The following ROBO2 variants were observed in gnomAD, a reference collection of about 807,000 sequenced individuals.
ROBO2 encodes the protein roundabout homolog 2.
ROBO2 carries 53 observed loss-of-function variants against 160.8 expected under a neutral mutation model. That is an observed-to-expected ratio of 0.33 (90% CI 0.26 to 0.41). The LOEUF (loss-of-function observed/expected upper bound fraction) is 0.41. ROBO2 is among the 10% of genes least tolerant of loss of function. The probability of loss-of-function intolerance (pLI) is 1.00; values close to 1 mark genes in which losing one functional copy is unlikely to be tolerated. For synonymous variants in ROBO2, 664 were observed against 611.7 expected (o/e 1.09, Z -1.26); for missense variants, 1,577 against 1,722.4 (o/e 0.92, Z 1.49).
At chr3:77,242,013 T>C (rs62249669) in intron 2 of ROBO2, among the ~76,000 whole-genome samples, 4,147 of 152,292 alleles carry the variant, frequency 0.027, 62 homozygotes, top group Middle Eastern at 0.054. Flanking sequence ...TTTGCTAATA[T>C]GCGGGAAATA....
chr3:76,273,092 TAC>T (rs1242068002), intron 2 of ROBO2, among the ~76,000 whole-genome samples: 3 of 80,342 alleles, frequency 3.7e-5, no homozygotes, highest in African/African-American at 1.3e-4. Flanking sequence ...ATATATAAAA[TAC>T]ACACACATAT....
intron 2 of ROBO2, among the ~76,000 whole-genome samples, chr3:77,322,127 G>A (rs2064778775): frequency 6.6e-6 from 1 of 151,936 alleles, no homozygotes; most frequent in Admixed American, 6.6e-5. Flanking sequence ...GAGAATATGA[G>A]GTTTGGTTCC....
chr3:76,587,352 A>G (rs2086112454), intron 2 of ROBO2, among the ~76,000 whole-genome samples: 1 of 152,068 alleles, frequency 6.6e-6, no homozygotes, highest in Admixed American at 6.5e-5. Context: ...TCACGCTCCT[A>G]TAAAGAACTG....
At chr3:77,003,988 A>C (rs1018212585) in intron 2 of ROBO2, among the ~76,000 whole-genome samples, 8 of 152,196 alleles carry the variant, frequency 5.3e-5, no homozygotes, top group African/African-American at 1.9e-4. Context: ...CAGAATATAT[A>C]ATCAAACTTA....
intron 2 of ROBO2, among the ~76,000 whole-genome samples, chr3:76,111,178 G>A (rs895282999): frequency 1.3e-5 from 2 of 152,088 alleles, no homozygotes; most frequent in Non-Finnish European, 2.9e-5. Context: ...ATTAATAGGA[G>A]GAACATGACA....
intron 17 of ROBO2, among the ~76,000 whole-genome samples, chr3:77,592,671 C>A (rs542774304): frequency 6.6e-6 from 1 of 152,236 alleles, no homozygotes; most frequent in Non-Finnish European, 1.5e-5. Context: ...CCTACCTCAG[C>A]CTCCCGAATA....
At chr3:76,868,310 A>G (rs1185565850) in intron 2 of ROBO2, among the ~76,000 whole-genome samples, 1 of 152,110 alleles carries the variant, frequency 6.6e-6, no homozygotes, top group Admixed American at 6.6e-5. Flanking sequence ...TCTTTTAAAT[A>G]ATTTTTTCTC....
chr3:77,442,458 A>G lies in ROBO2; in HGVS notation c.389-34956A>G, dbSNP rs556118709. ...GTAATTTTCAAACTTTTTTCACCCAATGAAAACCTTTTCTTCATGGCAGAG... is the reference window on the plus strand; with the variant it reads ...GTAATTTTCAAACTTTTTTCACCCAGTGAAAACCTTTTCTTCATGGCAGAG... On this transcript the variant is annotated intron_variant, in intron 2 of 25. Coordinates refer to ENST00000461745, the Ensembl canonical transcript of ROBO2. Among the ~76,000 whole-genome samples, 21 of 152,316 alleles carry G rather than the reference A, an allele frequency of 1.4e-4. No individual in the cohort carries two copies. In the South Asian group the frequency reaches 2.3e-3, roughly 17 times the overall value.
At chr3:76,365,710 C>A (rs1383476001) in intron 2 of ROBO2, among the ~76,000 whole-genome samples, 3 of 152,012 alleles carry the variant, frequency 2.0e-5, no homozygotes, top group African/African-American at 7.2e-5. Flanking sequence ...AAATGTATTG[C>A]AAATATCTTG....
At chr3:77,445,666 T>A (rs2080400086) in intron 2 of ROBO2, among the ~76,000 whole-genome samples, 1 of 152,060 alleles carries the variant, frequency 6.6e-6, no homozygotes, top group South Asian at 2.1e-4. Context: ...AGCCTTAACT[T>A]GATAACTATG....
chr3:76,397,956 C>T (rs1445515527), intron 2 of ROBO2, among the ~76,000 whole-genome samples: 2 of 152,134 alleles, frequency 1.3e-5, no homozygotes, highest in East Asian at 1.9e-4. Context: ...ACCATTTGAC[C>T]CAGCCATCCC....
At chr3:76,472,063 ATGTGTGTGTGTG>A (rs57259386) in intron 2 of ROBO2, among the ~76,000 whole-genome samples, 1,748 of 137,938 alleles carry the variant, frequency 0.013, 39 homozygotes, top group African/African-American at 0.045. Context: ...GTCTGATAAA[ATGTGTGTGTGTG>A]TGTGTGTGTG....
chr3:76,163,210 C>G (rs1479016403), intron 2 of ROBO2, among the ~76,000 whole-genome samples: 3 of 151,810 alleles, frequency 2.0e-5, no homozygotes, highest in Non-Finnish European at 4.4e-5. Flanking sequence ...GTGAGCAGGG[C>G]CCACCATATT....
intron 2 of ROBO2, among the ~76,000 whole-genome samples, chr3:75,981,609 T>G (rs2065276837): frequency 6.6e-6 from 1 of 151,316 alleles, no homozygotes; most frequent in Non-Finnish European, 1.5e-5. Flanking sequence ...ATTTAAATTG[T>G]TTTTTATTTT....
chr3:77,314,242 A>G (rs999114586), intron 2 of ROBO2, among the ~76,000 whole-genome samples: 4 of 152,236 alleles, frequency 2.6e-5, no homozygotes, highest in Non-Finnish European at 2.9e-5. Flanking sequence ...GCAAGCACCA[A>G]TAATGATTAT....
rs146882334 is a variant in ROBO2, at chr3:77,519,689, C to T, written c.807-3086C>T. 2.7e-3 allele frequency among the ~76,000 whole-genome samples: 416 copies of T among 151,282 alleles called. 3 individuals carry two copies. The highest frequency in any genetic ancestry group is 9.8e-3 in the African/African-American group (407 of 41,372). ...TATTCAATCCACTGTTGATGGGCACCTAGGTTGATTCCATGTCTTTGCTAT... is the reference window on the plus strand; with the variant it reads ...TATTCAATCCACTGTTGATGGGCACTTAGGTTGATTCCATGTCTTTGCTAT... On this transcript the variant is annotated intron_variant, in intron 5 of 25. Transcript: ENST00000461745.
intron 2 of ROBO2, among the ~76,000 whole-genome samples, chr3:76,823,649 G>C (rs2066312015): frequency 6.6e-6 from 1 of 152,124 alleles, no homozygotes; most frequent in Non-Finnish European, 1.5e-5. Context: ...ATTAAAAATG[G>C]AAGCAATAGA....
chr3:77,390,426 G>A (rs1372185619), intron 2 of ROBO2, among the ~76,000 whole-genome samples: 1 of 152,132 alleles, frequency 6.6e-6, no homozygotes, highest in African/African-American at 2.4e-5. Flanking sequence ...GAATCACGGG[G>A]ATGGGTCTTT....
At chr3:76,306,438 G>T (rs1392067645) in intron 2 of ROBO2, among the ~76,000 whole-genome samples, 2 of 151,712 alleles carry the variant, frequency 1.3e-5, no homozygotes, top group Non-Finnish European at 2.9e-5. Context: ...AAGGCAAGAT[G>T]GTATTTATTG....
Sources: allele counts gnomAD v4.1 joint callset (sites outside exome capture counted in the v4.1 genomes callset), GRCh38; gene constraint gnomAD v4.1.1; transcripts MANE v1.5; gene names NCBI Gene and HGNC (gene_info 2026-07-23, HGNC 2026-07-21).